Variants in PRKD1 observed in about 807,000 individuals in gnomAD.
The protein encoded by PRKD1 is serine/threonine-protein kinase D1.
PRKD1 carries 63 observed loss-of-function variants against 95.9 expected under a neutral mutation model. The observed-to-expected ratio is 0.66, with a 90% CI of 0.54 to 0.81. The LOEUF (loss-of-function observed/expected upper bound fraction) is 0.81, where lower values mean the gene tolerates loss of function less well. Among genes scored for constraint, PRKD1 ranks in the 30% least tolerant of loss-of-function variants. The pLI is 0.00. For missense variants in PRKD1, 1,048 were observed against 1,165.3 expected (o/e 0.90, Z 1.47); for synonymous variants, 425 against 423.1 (o/e 1.00, Z -0.05).
chr14:29,739,253 T>C (rs1235993397), intron 1 of PRKD1, among the ~76,000 whole-genome samples: 3 of 152,214 alleles, frequency 2.0e-5, no homozygotes, highest in African/African-American at 7.2e-5. Flanking sequence ...CTACACTGTA[T>C]TGACAAAATA....
At chr14:29,671,829 C>A (rs909921975) in intron 2 of PRKD1, among the ~76,000 whole-genome samples, 10 of 151,958 alleles carry the variant, frequency 6.6e-5, no homozygotes, top group Admixed American at 2.6e-4. Flanking sequence ...AGAACATATT[C>A]TAATAAGAAT....
rs181780707 is a variant in PRKD1 at position 29,603,550 on chromosome 14, T to C, written c.1906-3733A>G. On this transcript the variant is annotated intron_variant, in intron 13 of 17. Coordinates refer to ENST00000331968, the MANE Select transcript of PRKD1 (RefSeq NM_002742.3). Reference sequence around the variant, plus strand: ...ATTATTTCTCCATTTTCATGTGTAATTATTATTTTTTAATACCTTAAGTAC... The same window carrying C: ...ATTATTTCTCCATTTTCATGTGTAACTATTATTTTTTAATACCTTAAGTAC... Among the ~76,000 whole-genome samples, 129 of 152,316 alleles carry C rather than the reference T, an allele frequency of 8.5e-4. 1 individual carries two copies. Among genetic ancestry groups the C allele is most frequent in the African/African-American group, 2.9e-3 (122 of 41,576 alleles).
chr14:29,867,347 G>C (rs1892946053), intron 1 of PRKD1, among the ~76,000 whole-genome samples: 1 of 152,198 alleles, frequency 6.6e-6, no homozygotes, highest in African/African-American at 2.4e-5. Flanking sequence ...CACAAGATAA[G>C]ACATGAAGAA....
At chr14:29,869,340 G>A (rs1415168860) in intron 1 of PRKD1, among the ~76,000 whole-genome samples, 1 of 151,834 alleles carries the variant, frequency 6.6e-6, no homozygotes, top group Non-Finnish European at 1.5e-5. Context: ...CTACTCAAGA[G>A]GAGGCAGGAG....
intron 12 of PRKD1, 77 bp from the exon 13 acceptor site, chr14:29,624,335 C>T (rs562174702): frequency 2.2e-5 from 22 of 986,782 alleles, no homozygotes; most frequent in East Asian, 1.8e-4. Context: ...TTTGCAAGGA[C>T]ATTTAAAGAA....
chr14:29,697,827 C>T (rs950736338), intron 2 of PRKD1, among the ~76,000 whole-genome samples: 19 of 152,064 alleles, frequency 1.2e-4, no homozygotes, highest in South Asian at 2.1e-4. Context: ...ATAACTCCCA[C>T]GACTTTCTGC....
intron 13 of PRKD1, among the ~76,000 whole-genome samples, chr14:29,606,141 T>C (rs1157592345): frequency 6.6e-6 from 1 of 152,174 alleles, no homozygotes; most frequent in African/African-American, 2.4e-5. Context: ...GTCTCCCAAG[T>C]AGCTGGGATT....
At chr14:29,691,628 G>C (rs957045670) in intron 2 of PRKD1, among the ~76,000 whole-genome samples, 7 of 152,084 alleles carry the variant, frequency 4.6e-5, no homozygotes, top group African/African-American at 9.7e-5. Context: ...AAAGTTATTA[G>C]GTTGGTGCAA....
intron 16 of PRKD1, among the ~76,000 whole-genome samples, chr14:29,582,618 G>T (rs1048784303): frequency 1.3e-5 from 2 of 152,082 alleles, no homozygotes; most frequent in African/African-American, 4.8e-5. Context: ...AGCAGAGACT[G>T]CCATGTGTAA....
chr14:29,873,378 C>T (rs1415879887), intron 1 of PRKD1, among the ~76,000 whole-genome samples: 1 of 152,150 alleles, frequency 6.6e-6, no homozygotes, highest in African/African-American at 2.4e-5. Flanking sequence ...TGAGCCACTG[C>T]GCCCAGCCAT....
intron 16 of PRKD1, chr14:29,593,970 T>G: frequency 6.3e-6 from 2 of 316,510 alleles, no homozygotes; most frequent in Non-Finnish European, 1.2e-5. Context: ...TACAACAATG[T>G]ATAGTGTAAA....
chr14:29,741,711 C>T (rs2139435088), intron 1 of PRKD1, among the ~76,000 whole-genome samples: 1 of 152,092 alleles, frequency 6.6e-6, no homozygotes, highest in East Asian at 1.9e-4. Flanking sequence ...CTAATTGGCT[C>T]TACCTAAGTC....
intron 1 of PRKD1, among the ~76,000 whole-genome samples, chr14:29,856,487 A>T (rs1953209): frequency 2.5e-4 from 38 of 152,092 alleles, no homozygotes; most frequent in African/African-American, 8.7e-4. Context: ...TAAACAATCA[A>T]TGAAAGTGTC....
chr14:29,635,867 T>C (rs1177831939), intron 7 of PRKD1, among the ~76,000 whole-genome samples: 1 of 152,152 alleles, frequency 6.6e-6, no homozygotes, highest in Non-Finnish European at 1.5e-5. Flanking sequence ...TCTGAAATAA[T>C]ATCAAGAACA....
chr14:29,723,888 C>G (rs1164614811), intron 2 of PRKD1, among the ~76,000 whole-genome samples: 2 of 152,040 alleles, frequency 1.3e-5, no homozygotes, highest in Non-Finnish European at 2.9e-5. Context: ...CTCTTAAATG[C>G]CCTCTCAACA....
At chr14:29,612,712 CATA>C (rs1878555436) in intron 13 of PRKD1, among the ~76,000 whole-genome samples, 1 of 149,958 alleles carries the variant, frequency 6.7e-6, no homozygotes, top group African/African-American at 2.4e-5. Flanking sequence ...GACATATATA[CATA>C]ACCTATACAG....
chr14:29,632,729 G>T, intron 9 of PRKD1, 140 bp downstream of exon 9: 2 of 708,476 alleles, frequency 2.8e-6, no homozygotes. Context: ...GTAGACTATA[G>T]AGAAGAAAAA....
rs376372503 is a variant in PRKD1, at chr14:29,638,909, A to G, written c.697-5T>C. 1.7e-4 allele frequency: 268 copies of G among 1,613,250 alleles called. No individual in the cohort carries two copies. The highest frequency in any genetic ancestry group is 8.2e-4 in the Middle Eastern group (5 of 6,072). On this transcript the variant is annotated splice_region_variant and splice_polypyrimidine_tract_variant and intron_variant, in intron 4 of 17. Transcript: ENST00000331968. ...CGACTCTGATGGTGATTTTTGCTAC[A>G]TTTTGGAAAACAATAAAGGAAGCAA... is the stretch of plus-strand genomic sequence containing the variant.
chr14:29,650,191 C>T (rs1881403606), intron 4 of PRKD1: 2 of 152,374 alleles, frequency 1.3e-5, no homozygotes, highest in South Asian at 4.1e-4. Context: ...CAATGAGCCA[C>T]TCTTGTTGTC....
Sources: allele counts gnomAD v4.1 joint callset (sites outside exome capture counted in the v4.1 genomes callset), GRCh38; gene constraint gnomAD v4.1.1; transcripts MANE v1.5; gene names NCBI Gene and HGNC (gene_info 2026-07-23, HGNC 2026-07-21).